HADHB: variants seen among roughly 807,000 people sequenced by gnomAD.
The protein encoded by HADHB is hydroxyacyl-CoA dehydrogenase trifunctional multienzyme complex subunit beta.
HADHB carries 50 observed loss-of-function variants against 61.9 expected under a neutral mutation model. The observed-to-expected ratio is 0.81, with a 90% CI of 0.64 to 1.02. The LOEUF (loss-of-function observed/expected upper bound fraction) is 1.02. Ranked by LOEUF, HADHB falls within the 50% of genes least tolerant of loss-of-function variation. The probability of loss-of-function intolerance (pLI) is 0.00; values close to 1 mark genes in which losing one functional copy is unlikely to be tolerated. For synonymous variants in HADHB, 191 were observed against 201.6 expected, an observed-to-expected ratio of 0.95 and a Z score of 0.45; for missense variants, 504 against 586.5, an observed-to-expected ratio of 0.86 and a Z score of 1.45.
rs59952158 is a variant in HADHB at position 26,254,376 on chromosome 2, C to T, written c.65-54C>T. ...ATTGGATTTGGATTTATAAACATCT[C>T]GCACAGATACTGAATGGTATTGCTT... is the stretch of plus-strand genomic sequence containing the variant. On this transcript the variant is annotated intron_variant, in intron 2 of 15. Coordinates refer to ENST00000317799, the MANE Select transcript of HADHB (RefSeq NM_000183.3). The T allele has an allele frequency of 1.6e-3, 2,349 of 1,454,452 alleles. 17 individuals carry two copies. In the African/African-American group the frequency reaches 0.021, roughly 13 times the overall value. 90.1% of individuals were successfully genotyped at this position (1,454,452 alleles called of 1,614,324 possible). A position where few individuals can be genotyped will look rare whatever the true frequency, so the allele number is the denominator to read the frequency against.
At chr2:26,274,581 G>A (rs759705722) in intron 6 of HADHB, among the ~76,000 whole-genome samples, 3 of 152,190 alleles carry the variant, frequency 2.0e-5, no homozygotes, top group Non-Finnish European at 4.4e-5. Context: ...TGAAGCCTAC[G>A]AAACTAACTG....
Position 26,285,494 on chromosome 2 carries a change from G to A in HADHB, c.1312G>A (p.Val438Ile). ...HPFGATGCRL[V>I]MAAANRLRKE... ...ATTTGGAGCCACTGGCTGCAGGTTG[G>A]TCATGGCTGCTGCCAACAGATTACG... The change falls in exon 15 of 16, where the codon GTC becomes ATC. Residue 438 changes from valine to isoleucine, a missense_variant. Coordinates refer to ENST00000317799, the MANE Select transcript of HADHB (RefSeq NM_000183.3). 1 of 1,613,954 alleles carries A rather than the reference G, an allele frequency of 6.2e-7. No homozygotes were observed. The highest frequency in any genetic ancestry group is 8.5e-7 in the Non-Finnish European group (1 of 1,179,872).
rs1491210687 is a variant in HADHB at position 26,261,213 on chromosome 2, C to CCG, written c.110-2166_110-2165insGC. On this transcript the variant is annotated intron_variant, in intron 3 of 15. Transcript: ENST00000317799. Reference sequence around the variant, plus strand: ...CAAAACAACAACAACACAACAAATACCCCCCCCCCATCCAGACAAACAAAA... The same window carrying CCG: ...CAAAACAACAACAACACAACAAATACCGCCCCCCCCCATCCAGACAAACAAAA... 1.2e-4 allele frequency: 30 copies of CCG among 255,020 alleles called. 1 individual carries two copies. In the South Asian group the frequency reaches 1.2e-3, roughly 11 times the overall value. The allele number at this position is 255,020 out of a possible 1,614,324, so 15.8% of individuals were successfully genotyped here.
At chr2:26,260,882 G>A in intron 3 of HADHB, 1 of 639,680 alleles carries the variant, frequency 1.6e-6, no homozygotes, top group East Asian at 2.7e-5. Flanking sequence ...TACAAACTCT[G>A]GCTTACGAAT....
chr2:26,281,515 C>T (rs1251057315), intron 10 of HADHB, among the ~76,000 whole-genome samples: 1 of 152,156 alleles, frequency 6.6e-6, no homozygotes, highest in Non-Finnish European at 1.5e-5. Context: ...GATGATAGAG[C>T]CATGTGGCAT....
chr2:26,289,941 T>G lies in HADHB; in HGVS notation c.1413T>G (p.Ala471=), dbSNP rs889258607. 6.8e-6 allele frequency: 11 copies of G among 1,607,864 alleles called. No individual in the cohort carries two copies. Among genetic ancestry groups the G allele is most frequent in the Non-Finnish European group, 9.4e-6 (11 of 1,174,356 alleles). Residue 471 remains alanine (A), a synonymous_variant, in exon 16 of 16, where the codon GCT becomes GCG. Transcript: ENST00000317799. The part of the protein sequence containing the change: ...GGQGHAMIVE[A]YPK ...AGGGCCATGCTATGATAGTGGAAGCTTATCCAAAATAATAGATCCAGAAGA... is the reference window on the plus strand; with the variant it reads ...AGGGCCATGCTATGATAGTGGAAGCGTATCCAAAATAATAGATCCAGAAGA...
At chr2:26,287,909 G>C (rs1673104560) in intron 15 of HADHB, among the ~76,000 whole-genome samples, 1 of 152,152 alleles carries the variant, frequency 6.6e-6, no homozygotes, top group Non-Finnish European at 1.5e-5. Context: ...AGTATCTCCA[G>C]GTGTTGCCAA....
At position 26,287,595 on chromosome 2, in the gene HADHB, C is replaced by G. The variant is rs572882798; in HGVS notation, c.1389+2024C>G. ...AGGAATAATACCTAGCACCTTTCTT[C>G]TAGAAGTTTATAGTATGAAGAGAGA... On this transcript the variant is annotated intron_variant, in intron 15 of 15. Transcript: ENST00000317799. Among the ~76,000 whole-genome samples, 4 of 152,222 alleles carry G rather than the reference C, an allele frequency of 2.6e-5. No individual in the cohort carries two copies. The South Asian group carries it at 8.3e-4, about 32-fold the overall frequency.
chr2:26,267,205 C>A (rs1433255725), intron 4 of HADHB, among the ~76,000 whole-genome samples: 1 of 151,828 alleles, frequency 6.6e-6, no homozygotes, highest in Admixed American at 6.6e-5. Context: ...GAGTTCATAC[C>A]CAGATCTTGG....
At chr2:26,254,756 T>G in intron 3 of HADHB, 3 of 400,874 alleles carry the variant, frequency 7.5e-6, no homozygotes, top group Admixed American at 3.9e-5. Context: ...GTCAGTTTAT[T>G]TATCCTCTTG....
intron 15 of HADHB, among the ~76,000 whole-genome samples, chr2:26,288,276 A>G (rs1224192003): frequency 6.6e-6 from 1 of 152,058 alleles, no homozygotes; most frequent in Non-Finnish European, 1.5e-5. Context: ...AAGCAAATAA[A>G]GAAATTAAAA....
In HADHB at chr2:26,254,427, C is replaced by T. The variant is rs1421489227; in HGVS notation, c.65-3C>T. ...TTTGTAAACAGTTTATTTTGTCTTC[C>T]AGCCATAAGACCTCTGAGCTGTTCC... On this transcript the variant is annotated splice_region_variant and splice_polypyrimidine_tract_variant and intron_variant, in intron 2 of 15. Transcript: ENST00000317799. 2 of 1,601,330 alleles carry T rather than the reference C, an allele frequency of 1.2e-6. No individual in the cohort carries two copies. The highest frequency in any genetic ancestry group is 1.3e-5 in the African/African-American group (1 of 74,660).
rs1672271424 is a variant in HADHB at position 26,269,982 on chromosome 2, C to T, written c.239C>T (p.Ala80Val). ...AAAGACCTGATGCCACATGATTTGGCTAGAGCAGCGCTTACGTAAGTAAAT... is the reference window on the plus strand; with the variant it reads ...AAAGACCTGATGCCACATGATTTGGTTAGAGCAGCGCTTACGTAAGTAAAT... Reference protein sequence around the residue: ...SYKDLMPHDLARAALTGLLHR... With the variant: ...SYKDLMPHDLVRAALTGLLHR... The change falls in exon 5 of 16, where the codon GCT (alanine) becomes GTT (valine). Residue 80 changes from alanine (A) to valine (V), a missense_variant. Coordinates refer to ENST00000317799, the MANE Select transcript of HADHB (RefSeq NM_000183.3). 1 of 1,606,530 alleles carries T rather than the reference C, an allele frequency of 6.2e-7. No individual in the cohort carries two copies. Among genetic ancestry groups the T allele is most frequent in the Non-Finnish European group, 8.5e-7 (1 of 1,173,118 alleles).
intron 5 of HADHB, among the ~76,000 whole-genome samples, chr2:26,271,143 C>T (rs1283583552): frequency 1.3e-5 from 2 of 150,092 alleles, no homozygotes; most frequent in African/African-American, 4.9e-5. Flanking sequence ...GATCCGCCCT[C>T]CTCGGCCTCC....
chr2:26,271,947 A>T (rs1256022311), intron 5 of HADHB, among the ~76,000 whole-genome samples: 1 of 152,074 alleles, frequency 6.6e-6, no homozygotes, highest in Non-Finnish European at 1.5e-5. Flanking sequence ...TTCTGTATGG[A>T]GTCTCACTCT....
chr2:26,285,068 ATT>A (rs1672972495), intron 14 of HADHB, 111 bp downstream of exon 14: 2 of 718,128 alleles, frequency 2.8e-6, no homozygotes, highest in East Asian at 5.0e-5. Context: ...CTTTTGAAGA[ATT>A]TTGTCTTTCA....
At chr2:26,255,272 G>T (rs548694896) in intron 3 of HADHB, among the ~76,000 whole-genome samples, 81 of 152,246 alleles carry the variant, frequency 5.3e-4, no homozygotes, top group Admixed American at 9.8e-4. Context: ...GGCTGAGGCA[G>T]GTGGATGGCC....
chr2:26,283,100 C>T (rs201021029), intron 12 of HADHB, 49 bp downstream of exon 12: 3 of 1,174,290 alleles, frequency 2.6e-6, no homozygotes, highest in East Asian at 2.3e-5. Flanking sequence ...TATTTGATTG[C>T]CTATGTTTTA....
At chr2:26,257,511 G>T (rs1232210527) in intron 3 of HADHB, among the ~76,000 whole-genome samples, 2 of 152,028 alleles carry the variant, frequency 1.3e-5, no homozygotes, top group Non-Finnish European at 2.9e-5. Context: ...GGGGGAGGGG[G>T]CTCAGGAAAA....
Sources: allele counts gnomAD v4.1 joint callset (sites outside exome capture counted in the v4.1 genomes callset), GRCh38; gene constraint gnomAD v4.1.1; transcripts MANE v1.5; gene names NCBI Gene and HGNC (gene_info 2026-07-23, HGNC 2026-07-21).